The following SLC6A19 variants were observed in gnomAD, a reference collection of about 807,000 sequenced individuals.
The protein encoded by SLC6A19 is solute carrier family 6 member 19, also known as sodium-dependent neutral amino acid transporter B(0)AT1.
Under a neutral mutation model 68.3 loss-of-function variants are expected in SLC6A19, and 67 were observed. The ratio of observed to expected loss-of-function variants is 0.98; its 90% CI spans 0.81 to 1.20. The LOEUF (loss-of-function observed/expected upper bound fraction) is 1.20, where lower values mean the gene tolerates loss of function less well. Ranked by LOEUF, SLC6A19 falls within the 50% of genes most tolerant of loss-of-function variation. SLC6A19 has a pLI of 0.00. For missense variants in SLC6A19, 813 were observed against 851.6 expected (o/e 0.95, Z 0.56); for synonymous variants, 392 against 374.9 (o/e 1.05, Z -0.53).
At chr5:1,204,849 A>G (rs1376588569) in intron 1 of SLC6A19, among the ~76,000 whole-genome samples, 1 of 152,236 alleles carries the variant, frequency 6.6e-6, no homozygotes, top group African/African-American at 2.4e-5. Context: ...GTCCATCTGC[A>G]GCTAATTCTT....
intron 10 of SLC6A19, 42 bp downstream of exon 10, chr5:1,219,706 G>C: frequency 6.3e-7 from 1 of 1,599,932 alleles, no homozygotes; most frequent in Non-Finnish European, 8.5e-7. Flanking sequence ...ATGCAGAAAA[G>C]CCAGGTCACA....
In SLC6A19 at chr5:1,218,989, C is replaced by T; in HGVS notation, c.1260C>T (p.Phe420=). The change falls in exon 9 of 12, where the codon TTC becomes TTT. Residue 420 remains phenylalanine (F), a synonymous_variant. Transcript: ENST00000304460. Reference sequence around the variant, plus strand: ...TGTCCCCACTGTGGTCTGTGCTCTTCTTCATTATGCTCTTCTGCCTGGGGC... The same window carrying T: ...TGTCCCCACTGTGGTCTGTGCTCTTTTTCATTATGCTCTTCTGCCTGGGGC... ...MPLSPLWSVL[F]FIMLFCLGLS... 1 of 1,614,138 alleles carries T rather than the reference C, an allele frequency of 6.2e-7. No individual in the cohort carries two copies. Among genetic ancestry groups the T allele is most frequent in the Non-Finnish European group, 8.5e-7 (1 of 1,180,030 alleles).
intron 1 of SLC6A19, among the ~76,000 whole-genome samples, chr5:1,205,174 C>T (rs1441345325): frequency 1.3e-5 from 2 of 152,236 alleles, no homozygotes; most frequent in African/African-American, 2.4e-5. Flanking sequence ...AGGCGCCCTG[C>T]AGGGCCCCAC....
intron 1 of SLC6A19, among the ~76,000 whole-genome samples, chr5:1,208,117 A>G (rs1745907352): frequency 6.6e-6 from 1 of 152,208 alleles, no homozygotes; most frequent in South Asian, 2.1e-4. Flanking sequence ...GACATCCACA[A>G]TGCCATGTAA....
chr5:1,210,209 GGCGTGT>G (rs1561163781), intron 2 of SLC6A19, among the ~76,000 whole-genome samples: 143 of 66,076 alleles, frequency 2.2e-3, no homozygotes, highest in African/African-American at 9.2e-3. Flanking sequence ...GAGCCGGGAA[GGCGTGT>G]GCAGGGCAGG....
At chr5:1,202,052 C>T (rs895534753) in intron 1 of SLC6A19, among the ~76,000 whole-genome samples, 200 bp downstream of exon 1, 4 of 152,310 alleles carry the variant, frequency 2.6e-5, no homozygotes, top group African/African-American at 9.6e-5. Context: ...AGGAGATGGG[C>T]CTGGCCGGCA....
Position 1,209,451 on chromosome 5 carries a change from C to G in SLC6A19, c.343+565C>G, listed in dbSNP as rs116694644. Among the ~76,000 whole-genome samples, 1 of 152,070 alleles carries G rather than the reference C, an allele frequency of 6.6e-6. No individual in the cohort carries two copies. The highest frequency in any genetic ancestry group is 2.4e-5 in the African/African-American group (1 of 41,368). ...AGTCTGAGTCCAGGAAGCACCTGCCCTTCGGAAGCCTGCAGGCCTGGAGCA... is the reference window on the plus strand; with the variant it reads ...AGTCTGAGTCCAGGAAGCACCTGCCGTTCGGAAGCCTGCAGGCCTGGAGCA... On this transcript the variant is annotated intron_variant, in intron 2 of 11. Transcript: ENST00000304460. The surrounding 1 kb of genome is among the most constrained non-coding windows in gnomAD (Gnocchi z 5.5).
At chr5:1,213,837 C>G (rs1415758761) in intron 5 of SLC6A19, 116 bp from the exon 6 acceptor site, 2 of 1,534,842 alleles carry the variant, frequency 1.3e-6, no homozygotes, top group African/African-American at 2.7e-5. Flanking sequence ...GGGGCCCTGG[C>G]CTGTCCTGAC....
chr5:1,207,935 G>GGTA (rs1378014740), intron 1 of SLC6A19, among the ~76,000 whole-genome samples: 3 of 152,240 alleles, frequency 2.0e-5, no homozygotes, highest in Admixed American at 6.5e-5. Flanking sequence ...AGAGCAAAGA[G>GGTA]GTAGCAGTGC....
At chr5:1,218,846 G>A in intron 8 of SLC6A19, 57 bp from the exon 9 acceptor site, 1 of 1,585,284 alleles carries the variant, frequency 6.3e-7, no homozygotes, top group Non-Finnish European at 8.6e-7. Flanking sequence ...CTCGGGCGGG[G>A]AGGAGACGGA....
At chr5:1,219,169 C>T (rs1332640600) in intron 9 of SLC6A19, 62 bp downstream of exon 9, 28 of 1,513,080 alleles carry the variant, frequency 1.9e-5, no homozygotes, top group African/African-American at 6.9e-5. Flanking sequence ...TGGCAGCCCC[C>T]GGCTGTGTGA....
chr5:1,201,825 C>G lies in SLC6A19; in HGVS notation c.175C>G (p.Pro59Ala). The G allele has an allele frequency of 6.2e-7, 1 of 1,611,964 alleles. No homozygotes were observed. Reference sequence around the variant, plus strand: ...GGGCCTCGGCAACGTGTGGCGCTTCCCCTACCTGTGTCAGAGCCACGGAGG... The same window carrying G: ...GGGCCTCGGCAACGTGTGGCGCTTCGCCTACCTGTGTCAGAGCCACGGAGG... ...CVGLGNVWRF[P>A]YLCQSHGGGA... The change falls in exon 1 of 12, where the codon CCC (proline) becomes GCC (alanine). Residue 59 changes from proline to alanine, a missense_variant. Physicochemically the swap from Pro to Ala is conservative, Grantham distance 27 (BLOSUM62 -1). Transcript: ENST00000304460.
At chr5:1,202,626 G>A (rs989046233) in intron 1 of SLC6A19, among the ~76,000 whole-genome samples, 3 of 152,074 alleles carry the variant, frequency 2.0e-5, no homozygotes, top group Non-Finnish European at 4.4e-5. Context: ...CTTTCTCAGC[G>A]GAAGGTCCAG....
chr5:1,211,000 G>T (rs1385719813), intron 3 of SLC6A19, among the ~76,000 whole-genome samples: 1 of 152,056 alleles, frequency 6.6e-6, no homozygotes, highest in Admixed American at 6.5e-5. Flanking sequence ...CTCCCACCCC[G>T]GCCCTTCCAG....
At position 1,222,269 on chromosome 5, in the gene SLC6A19, C is replaced by T. The variant is rs529146900; in HGVS notation, c.*365C>T. 7.6e-5 allele frequency: 42 copies of T among 554,098 alleles called. No individual in the cohort carries two copies. The highest frequency in any genetic ancestry group is 1.7e-4 in the African/African-American group (9 of 53,378). 34.3% of individuals were successfully genotyped at this position (554,098 alleles called of 1,614,324 possible). On this transcript the variant is annotated 3_prime_UTR_variant, in exon 12 of 12. Transcript: ENST00000304460. The stretch of plus-strand genomic sequence containing the variant: ...ATACATGTGTGCGATATTTGCTGCC[C>T]GTGTGTGTGCATGTATATATAGACA...
At chr5:1,213,817 G>A in intron 5 of SLC6A19, 136 bp from the exon 6 acceptor site, 12 of 1,421,422 alleles carry the variant, frequency 8.4e-6, no homozygotes, top group Non-Finnish European at 1.2e-5. Context: ...AGGCATAGCT[G>A]CCACCCCAGG....
chr5:1,222,196 T>C lies in SLC6A19; in HGVS notation c.*292T>C. On this transcript the variant is annotated 3_prime_UTR_variant, in exon 12 of 12. Coordinates refer to ENST00000304460, the MANE Select transcript of SLC6A19 (RefSeq NM_001003841.3). ...GTGCAGATGTGTCATGTTGTGTGTG[T>C]GCATGTACATGTATGGACATTGTGT... 8.4e-6 allele frequency: 5 copies of C among 592,258 alleles called. No homozygotes were observed. The highest frequency in any genetic ancestry group is 6.2e-5 in the South Asian group (3 of 48,460). 36.7% of individuals were successfully genotyped at this position (592,258 alleles called of 1,614,324 possible). A position where few individuals can be genotyped will look rare whatever the true frequency, so the allele number is the denominator to read the frequency against.
Position 1,222,106 on chromosome 5 carries a change from T to C in SLC6A19, c.*202T>C. 1.6e-6 allele frequency: 1 copy of C among 634,438 alleles called. No homozygotes were observed. Among genetic ancestry groups the C allele is most frequent in the African/African-American group, 1.8e-5 (1 of 54,804 alleles). The allele number at this position is 634,438 out of a possible 1,614,324, so 39.3% of individuals were successfully genotyped here. A position where few individuals can be genotyped will look rare whatever the true frequency, so the allele number is the denominator to read the frequency against. On this transcript the variant is annotated 3_prime_UTR_variant, in exon 12 of 12. Coordinates refer to ENST00000304460, the MANE Select transcript of SLC6A19 (RefSeq NM_001003841.3). ...TGTACATGCATGGGCACTGTGTGAGTGTGCACGTGTATGCACACATATACA... is the reference window on the plus strand; with the variant it reads ...TGTACATGCATGGGCACTGTGTGAGCGTGCACGTGTATGCACACATATACA...
chr5:1,215,164 A>T lies in SLC6A19; in HGVS notation c.887+1099A>T, dbSNP rs936759389. Among the ~76,000 whole-genome samples, 1 of 152,102 alleles carries T rather than the reference A, an allele frequency of 6.6e-6. No homozygotes were observed. On this transcript the variant is annotated intron_variant, in intron 6 of 11. Transcript: ENST00000304460. This position sits in a 1 kb window ranked among gnomAD's most constrained non-coding sequence, Gnocchi z 5.1. ...CCTGGGCACTGCAGGCAGCTGGGGC[A>T]GGGCCAAGGCAGGATTGAGGACTCT... is the stretch of plus-strand genomic sequence containing the variant.
Sources: allele counts gnomAD v4.1 joint callset (sites outside exome capture counted in the v4.1 genomes callset), GRCh38; gene constraint gnomAD v4.1.1; non-coding constraint Gnocchi (gnomAD v3.1); transcripts MANE v1.5; gene names NCBI Gene and HGNC (gene_info 2026-07-23, HGNC 2026-07-21).